Variants in TMOD1 observed in about 807,000 individuals in gnomAD.
The protein encoded by TMOD1 is tropomodulin-1.
In TMOD1, 17 loss-of-function variants were observed where a neutral mutation model predicts 40.6. That is an observed-to-expected ratio of 0.42 (90% confidence interval 0.29 to 0.63). The LOEUF is 0.63. Ranked by LOEUF, TMOD1 falls within the 20% of genes least tolerant of loss-of-function variation. TMOD1 has a pLI of 0.22. For synonymous variants in TMOD1, 181 were observed against 175.0 expected (o/e 1.03, Z -0.27); for missense variants, 391 against 447.6 (o/e 0.87, Z 1.14).
At chr9:97,515,201 GAA>G (rs71369514) in intron 1 of TMOD1, among the ~76,000 whole-genome samples, 20 of 141,382 alleles carry the variant, frequency 1.4e-4, no homozygotes, top group South Asian at 2.2e-4. Flanking sequence ...AAACAAAAAT[GAA>G]AAAAAAAAAA....
At chr9:97,520,760 A>G (rs991799821) in intron 1 of TMOD1, among the ~76,000 whole-genome samples, 1 of 152,106 alleles carries the variant, frequency 6.6e-6, no homozygotes, top group Non-Finnish European at 1.5e-5. Flanking sequence ...TTCTTTAGGA[A>G]ATTTCATGAT....
intron 4 of TMOD1, among the ~76,000 whole-genome samples, chr9:97,559,769 A>AT (rs758174143): frequency 5.0e-4 from 15 of 29,898 alleles, no homozygotes; most frequent in South Asian, 1.9e-3. Flanking sequence ...CGCCTCAAAA[A>AT]TTTAAAAAAA....
chr9:97,555,478 C>A (rs187967032), intron 4 of TMOD1: 144 of 1,435,464 alleles, frequency 1.0e-4, no homozygotes, highest in Non-Finnish European at 1.2e-4. Flanking sequence ...TTCTGTGTGG[C>A]TTTCTTGAAA....
intron 2 of TMOD1, among the ~76,000 whole-genome samples, chr9:97,540,459 G>C (rs1830260589): frequency 6.6e-6 from 1 of 152,154 alleles, no homozygotes; most frequent in African/African-American, 2.4e-5. Context: ...TGACTTTAAT[G>C]ATCTCCTTAC....
rs370757680 is a variant in TMOD1 at position 97,553,335 on chromosome 9, C to T, written c.332C>T (p.Thr111Met). 6.7e-5 allele frequency: 108 copies of T among 1,614,068 alleles called. No homozygotes were observed. Among genetic ancestry groups the T allele is most frequent in the Non-Finnish European group, 8.1e-5 (96 of 1,180,048 alleles). Residue 111 changes from threonine to methionine, a missense_variant, in exon 4 of 10, where the codon ACG (threonine) becomes ATG (methionine). Coordinates refer to ENST00000259365, the MANE Select transcript of TMOD1 (RefSeq NM_003275.4). ...KPLDPVLESVTLEPELEEALA... is the reference protein window; with the variant it reads ...KPLDPVLESVMLEPELEEALA... ...CTGGATCCTGTGCTGGAAAGTGTGA[C>T]GCTGGAACCGGAGCTGGAGGAAGCC...
chr9:97,567,247 G>A (rs1830742072), intron 7 of TMOD1, among the ~76,000 whole-genome samples: 1 of 152,226 alleles, frequency 6.6e-6, no homozygotes, highest in Non-Finnish European at 1.5e-5. Context: ...ATGCTACTAT[G>A]TCATGGGTCA....
intron 3 of TMOD1, among the ~76,000 whole-genome samples, chr9:97,551,014 A>ATATTT (rs1243994680): frequency 3.8e-5 from 4 of 104,264 alleles, no homozygotes; most frequent in African/African-American, 8.6e-5. Context: ...ATATATATAT[A>ATATTT]TTTTTTTTTT....
chr9:97,548,219 C>T (rs7852462), intron 3 of TMOD1, among the ~76,000 whole-genome samples: 60,538 of 151,966 alleles, frequency 0.4, 12,489 homozygotes, highest in East Asian at 0.63. Context: ...GTGGCTGGCT[C>T]CCCTGTATCG....
chr9:97,555,155 C>G (rs1419791272), intron 4 of TMOD1, among the ~76,000 whole-genome samples: 1 of 152,186 alleles, frequency 6.6e-6, no homozygotes, highest in Non-Finnish European at 1.5e-5. Flanking sequence ...TTTGCTAGGG[C>G]AGGGATTTAT....
chr9:97,587,863 G>A (rs1325726117), intron 8 of TMOD1, among the ~76,000 whole-genome samples: 1 of 152,088 alleles, frequency 6.6e-6, no homozygotes, highest in Non-Finnish European at 1.5e-5. Context: ...TGGCCTTTGT[G>A]TCTGGCTTCT....
chr9:97,505,210 T>G (rs757809041), intron 1 of TMOD1, among the ~76,000 whole-genome samples: 18 of 152,214 alleles, frequency 1.2e-4, no homozygotes, highest in Non-Finnish European at 2.4e-4. Context: ...TTTCTCCTTC[T>G]CTTATGTCCT....
chr9:97,556,688 CA>C (rs1302529691), intron 4 of TMOD1, among the ~76,000 whole-genome samples: 4 of 152,216 alleles, frequency 2.6e-5, no homozygotes, highest in African/African-American at 9.6e-5. Flanking sequence ...CTACATTAAA[CA>C]AACACCAGGT....
At chr9:97,532,337 G>A (rs1266353276) in intron 2 of TMOD1, among the ~76,000 whole-genome samples, 3 of 152,010 alleles carry the variant, frequency 2.0e-5, no homozygotes, top group Non-Finnish European at 2.9e-5. Flanking sequence ...CCCCTCCTCT[G>A]GCTGGGGAAC....
At chr9:97,572,228 G>T (rs966428958) in intron 8 of TMOD1, among the ~76,000 whole-genome samples, 4 of 152,314 alleles carry the variant, frequency 2.6e-5, no homozygotes, top group South Asian at 4.1e-4. Context: ...GCAGAGAGGA[G>T]TGGGGAAAGC....
rs74631209 is a variant in TMOD1 at position 97,539,207 on chromosome 9, A to T, written c.121-6978A>T. On this transcript the variant is annotated intron_variant, in intron 2 of 9. Transcript: ENST00000259365. Reference sequence around the variant, plus strand: ...CATAGCATTCATTTAGCAGATGTTTATTGAATGAATAAGAAATAAGAGAAT... The same window carrying T: ...CATAGCATTCATTTAGCAGATGTTTTTTGAATGAATAAGAAATAAGAGAAT... Among the ~76,000 whole-genome samples the T allele has an allele frequency of 9.7e-4, 147 of 152,282 alleles. 4 individuals are homozygous for T. In the East Asian group the frequency reaches 0.027, roughly 28 times the overall value.
In TMOD1 at chr9:97,587,471, C is replaced by T. The variant is rs143539073; in HGVS notation, c.871-3820C>T. 6.8e-4 allele frequency among the ~76,000 whole-genome samples: 104 copies of T among 152,226 alleles called. 2 individuals are homozygous for T. In the East Asian group the frequency reaches 0.018, roughly 27 times the overall value. Reference sequence around the variant, plus strand: ...TTTGATTTGCATTTCTGTGATAGGTCATGATGTTGAACATCTTGTCATGTG... The same window carrying T: ...TTTGATTTGCATTTCTGTGATAGGTTATGATGTTGAACATCTTGTCATGTG... On this transcript the variant is annotated intron_variant, in intron 8 of 9. Transcript: ENST00000259365.
intron 8 of TMOD1, among the ~76,000 whole-genome samples, chr9:97,575,790 T>A (rs1163915711): frequency 6.6e-6 from 1 of 152,230 alleles, no homozygotes; most frequent in Non-Finnish European, 1.5e-5. Context: ...GTTGGTAATT[T>A]TGTTCAAGAG....
chr9:97,581,993 T>G, intron 8 of TMOD1, among the ~76,000 whole-genome samples: 1 of 150,192 alleles, frequency 6.7e-6, no homozygotes, highest in East Asian at 2.0e-4. Context: ...AGAAGCTCTT[T>G]AGTTTAATTA....
intron 2 of TMOD1, among the ~76,000 whole-genome samples, chr9:97,544,640 G>A (rs1830333160): frequency 6.6e-6 from 1 of 152,080 alleles, no homozygotes; most frequent in Non-Finnish European, 1.5e-5. Flanking sequence ...TCATATCCCT[G>A]ATAACAGTCC....
Sources: allele counts gnomAD v4.1 joint callset (sites outside exome capture counted in the v4.1 genomes callset), GRCh38; gene constraint gnomAD v4.1.1; transcripts MANE v1.5; gene names NCBI Gene and HGNC (gene_info 2026-07-23, HGNC 2026-07-21).